Variants in PTPN2 observed in about 807,000 individuals in gnomAD.
PTPN2 encodes protein tyrosine phosphatase non-receptor type 2.
Under a neutral mutation model 57.3 loss-of-function variants are expected in PTPN2, and 19 were observed. The observed-to-expected ratio is 0.33, with a 90% CI of 0.23 to 0.49. The LOEUF is 0.49. Among genes scored for constraint, PTPN2 ranks in the 20% least tolerant of loss-of-function variants. The pLI is 0.99. For synonymous variants in PTPN2, 153 were observed against 164.9 expected, an observed-to-expected ratio of 0.93 and a Z score of 0.55; for missense variants, 358 against 501.1, an observed-to-expected ratio of 0.71 and a Z score of 2.73.
chr18:12,804,713 TA>T (rs1167486747), intron 7 of PTPN2, among the ~76,000 whole-genome samples: 1 of 152,112 alleles, frequency 6.6e-6, no homozygotes, highest in African/African-American at 2.4e-5. Context: ...AACTGACCAA[TA>T]AAGAGTGAGA....
chr18:12,836,408 G>T (rs1241717454), intron 3 of PTPN2, among the ~76,000 whole-genome samples: 1 of 152,234 alleles, frequency 6.6e-6, no homozygotes, highest in Non-Finnish European at 1.5e-5. Flanking sequence ...TATATGCGAG[G>T]CAGGGGGAGC....
rs2041079534 is a variant in PTPN2 at position 12,794,267 on chromosome 18, AAATT to A, written c.*7_*10del. The A allele has an allele frequency of 6.2e-7, 1 of 1,614,068 alleles. No homozygotes were observed. Among genetic ancestry groups the A allele is most frequent in the Non-Finnish European group, 8.5e-7 (1 of 1,180,016 alleles). ...TACTAGTGCAGAAGCTTGCTGGGCA[AAATT>A]AATTGTTTATAGGGCATTTTGCTGA... On this transcript the variant is annotated 3_prime_UTR_variant, in exon 9 of 9. Coordinates refer to ENST00000309660, the MANE Select transcript of PTPN2 (RefSeq NM_002828.4).
intron 2 of PTPN2, among the ~76,000 whole-genome samples, chr18:12,846,227 TCCA>T (rs917187871): frequency 6.6e-6 from 1 of 152,240 alleles, no homozygotes; most frequent in African/African-American, 2.4e-5. Flanking sequence ...GCCAGACTTC[TCCA>T]GTGTAGAGGT....
chr18:12,792,093 A>T, downstream of PTPN2: 1 of 486,456 alleles, frequency 2.1e-6, no homozygotes, highest in Non-Finnish European at 2.7e-6. Context: ...TGTCCCTCTT[A>T]CCTCCTCTCC....
At chr18:12,854,702 A>G (rs1293776944) in intron 2 of PTPN2, among the ~76,000 whole-genome samples, 15 of 152,326 alleles carry the variant, frequency 9.8e-5, no homozygotes, top group Non-Finnish European at 1.5e-4. Context: ...GATGGAAACT[A>G]GGCCCACAGC....
At chr18:12,830,724 T>C (rs1306085640) in intron 4 of PTPN2, among the ~76,000 whole-genome samples, 5 of 152,222 alleles carry the variant, frequency 3.3e-5, no homozygotes, top group Admixed American at 2.0e-4. Context: ...TTTATTCCAT[T>C]GTATTTCTAT....
intron 1 of PTPN2, among the ~76,000 whole-genome samples, chr18:12,878,344 AAAG>A (rs1440388539): frequency 2.1e-4 from 31 of 150,388 alleles, no homozygotes; most frequent in African/African-American, 6.7e-4. Flanking sequence ...AAAGAAAAAA[AAAG>A]AAAGAAAAAG....
At chr18:12,821,944 G>A (rs913630175) in intron 5 of PTPN2, among the ~76,000 whole-genome samples, 10 of 152,136 alleles carry the variant, frequency 6.6e-5, no homozygotes, top group Admixed American at 5.2e-4. Flanking sequence ...TGGCGGGGGG[G>A]TACCAAGGCA....
At chr18:12,854,383 G>T (rs1041023600) in intron 2 of PTPN2, among the ~76,000 whole-genome samples, 2 of 141,288 alleles carry the variant, frequency 1.4e-5, no homozygotes, top group African/African-American at 5.2e-5. Context: ...AAAGAAAAAA[G>T]AAAAAGAAAT....
In PTPN2 at chr18:12,881,518, T is replaced by C. The variant is rs76328900; in HGVS notation, c.69+2555A>G. Among the ~76,000 whole-genome samples the C allele has an allele frequency of 8.8e-3, 1,344 of 152,298 alleles. 26 individuals are homozygous for C. Among genetic ancestry groups the C allele is most frequent in the African/African-American group, 0.031 (1,300 of 41,560 alleles). On this transcript the variant is annotated intron_variant, in intron 1 of 8. Transcript: ENST00000309660. ...TTCCTATTAAACAGCTCAAATTCCT[T>C]AGTCTGATCTAGGCTCTGCCTTACT... is the stretch of plus-strand genomic sequence containing the variant.
chr18:12,830,851 C>A, intron 4 of PTPN2, 92 bp downstream of exon 4: 1 of 992,856 alleles, frequency 1.0e-6, no homozygotes, highest in Non-Finnish European at 1.5e-6. Flanking sequence ...AAGGCCAAAA[C>A]TAAGGAATGA....
At chr18:12,879,318 C>G (rs1318088809) in intron 1 of PTPN2, among the ~76,000 whole-genome samples, 1 of 152,154 alleles carries the variant, frequency 6.6e-6, no homozygotes, top group Non-Finnish European at 1.5e-5. Context: ...CTTTCACGAT[C>G]AATTCTTCCA....
intron 1 of PTPN2, among the ~76,000 whole-genome samples, chr18:12,872,949 G>A (rs573386045): frequency 3.3e-5 from 5 of 152,166 alleles, no homozygotes; most frequent in East Asian, 1.9e-4. Flanking sequence ...GGCTGGACGC[G>A]GTGGCTCACG....
intron 8 of PTPN2, among the ~76,000 whole-genome samples, chr18:12,798,958 C>A (rs539554208): frequency 1.4e-4 from 22 of 152,282 alleles, no homozygotes; most frequent in Admixed American, 7.9e-4. Flanking sequence ...CTGATAATTT[C>A]TATTTTATTC....
chr18:12,824,291 G>A (rs1371640261), intron 5 of PTPN2, among the ~76,000 whole-genome samples: 2 of 152,136 alleles, frequency 1.3e-5, no homozygotes, highest in Non-Finnish European at 2.9e-5. Context: ...AGCTTAGTAC[G>A]GATGTCACGG....
At chr18:12,785,728 A>G in exon 10 of PTPN2, 1 of 1,111,794 alleles carries the variant, frequency 9.0e-7, no homozygotes, top group Non-Finnish European at 1.4e-6. Flanking sequence ...AGGGTTAGCG[A>G]GCCTCACTTT....
At chr18:12,809,109 G>T (rs2041801752) in intron 7 of PTPN2, among the ~76,000 whole-genome samples, 1 of 152,146 alleles carries the variant, frequency 6.6e-6, no homozygotes, top group Non-Finnish European at 1.5e-5. Context: ...CCCACCACTG[G>T]GCTAGAGAAA....
intron 2 of PTPN2, among the ~76,000 whole-genome samples, chr18:12,856,089 G>A (rs2043578942): frequency 6.6e-6 from 1 of 152,226 alleles, no homozygotes; most frequent in Admixed American, 6.5e-5. Context: ...GTCAATGTCA[G>A]CGGAGCTGAA....
At chr18:12,863,555 G>GTT (rs1568161150) in intron 1 of PTPN2, 24 of 144,556 alleles carry the variant, frequency 1.7e-4, no homozygotes, top group African/African-American at 5.8e-4. Flanking sequence ...TTTTTTTGGG[G>GTT]GGGGGGGGGC....
Sources: allele counts gnomAD v4.1 joint callset (sites outside exome capture counted in the v4.1 genomes callset), GRCh38; gene constraint gnomAD v4.1.1; transcripts MANE v1.5; gene names NCBI Gene and HGNC (gene_info 2026-07-23, HGNC 2026-07-21).